Variants in LAMA2 observed in about 807,000 individuals in gnomAD.
LAMA2 encodes laminin subunit alpha-2.
Under a neutral mutation model 364.8 loss-of-function variants are expected in LAMA2, and 269 were observed. That is an observed-to-expected ratio of 0.74 (90% CI 0.67 to 0.82). The LOEUF (loss-of-function observed/expected upper bound fraction) is 0.82, where lower values mean the gene tolerates loss of function less well. LAMA2 is among the 40% of genes least tolerant of loss of function. The pLI, the probability that LAMA2 is intolerant of heterozygous loss-of-function variation, is 0.00. For synonymous variants in LAMA2, 1,379 were observed against 1,370.6 expected, an observed-to-expected ratio of 1.01 and a Z score of -0.14; for missense variants, 3,807 against 3,873.2, an observed-to-expected ratio of 0.98 and a Z score of 0.45.
chr6:129,237,715 G>A (rs2115146954), intron 12 of LAMA2, among the ~76,000 whole-genome samples: 1 of 152,164 alleles, frequency 6.6e-6, no homozygotes, highest in African/African-American at 2.4e-5. Context: ...AAGTATATAT[G>A]CATTTATAAT....
At chr6:128,901,099 G>A (rs868671310) in intron 1 of LAMA2, among the ~76,000 whole-genome samples, 2 of 152,244 alleles carry the variant, frequency 1.3e-5, no homozygotes, top group South Asian at 2.1e-4. Flanking sequence ...CGAGGCTGCA[G>A]TGACCCATGA....
At chr6:129,200,084 A>G (rs1782096978) in intron 12 of LAMA2, among the ~76,000 whole-genome samples, 1 of 149,718 alleles carries the variant, frequency 6.7e-6, no homozygotes, top group African/African-American at 2.5e-5. Flanking sequence ...CTCCAAAAAT[A>G]TATATATACA....
chr6:129,243,731 A>G (rs1785542901), intron 12 of LAMA2, among the ~76,000 whole-genome samples: 1 of 150,394 alleles, frequency 6.6e-6, no homozygotes, highest in Non-Finnish European at 1.5e-5. Flanking sequence ...ATTGAAAAAG[A>G]AAAAAAAAAT....
chr6:129,288,594 T>A (rs1482833839), intron 19 of LAMA2, among the ~76,000 whole-genome samples: 2 of 152,196 alleles, frequency 1.3e-5, no homozygotes, highest in East Asian at 3.8e-4. Context: ...CATTTTAGTT[T>A]CATAATAGTC....
At chr6:128,987,393 G>A (rs560164716) in intron 1 of LAMA2, among the ~76,000 whole-genome samples, 145 of 151,952 alleles carry the variant, frequency 9.5e-4, no homozygotes, top group African/African-American at 3.1e-3. Context: ...CAACCGCCTC[G>A]GCCTCCCAAA....
At chr6:128,902,103 C>T (rs2114419220) in intron 1 of LAMA2, among the ~76,000 whole-genome samples, 1 of 152,318 alleles carries the variant, frequency 6.6e-6, no homozygotes, top group South Asian at 2.1e-4. Flanking sequence ...ATAAAACCAT[C>T]AGACCTCATG....
intron 41 of LAMA2, chr6:129,436,910 T>C (rs1372364404): frequency 6.6e-6 from 1 of 152,116 alleles, no homozygotes; most frequent in Non-Finnish European, 1.5e-5. Flanking sequence ...TGCCTGCCAG[T>C]TTTGCACATA....
At chr6:128,997,334 AAG>A (rs1323047365) in intron 1 of LAMA2, among the ~76,000 whole-genome samples, 5 of 122,342 alleles carry the variant, frequency 4.1e-5, no homozygotes, top group East Asian at 2.5e-4. Context: ...GAGAGAAAGA[AAG>A]AGAAAGAAAG....
chr6:129,416,804 G>C (rs898014507), intron 40 of LAMA2, among the ~76,000 whole-genome samples: 2 of 152,198 alleles, frequency 1.3e-5, no homozygotes, highest in African/African-American at 4.8e-5. Context: ...TCAGGGCAGA[G>C]TGGCGAGGGG....
chr6:129,346,867 T>C (rs1336649869), intron 30 of LAMA2, among the ~76,000 whole-genome samples: 2 of 152,084 alleles, frequency 1.3e-5, no homozygotes, highest in African/African-American at 4.8e-5. Flanking sequence ...TTAGATGAGG[T>C]GGTCCATGAT....
At chr6:129,055,160 C>G (rs1391276101) in intron 2 of LAMA2, among the ~76,000 whole-genome samples, 1 of 63,172 alleles carries the variant, frequency 1.6e-5, no homozygotes, top group Admixed American at 2.1e-4. Context: ...TCTGGATTTA[C>G]TTTACATTAT....
intron 12 of LAMA2, among the ~76,000 whole-genome samples, chr6:129,228,893 C>A (rs181125435): frequency 6.6e-6 from 1 of 152,292 alleles, no homozygotes; most frequent in Admixed American, 6.5e-5. Context: ...AAAGGAATAA[C>A]TATTACAAAA....
chr6:128,940,108 T>G (rs973470227), intron 1 of LAMA2, among the ~76,000 whole-genome samples: 11 of 152,308 alleles, frequency 7.2e-5, no homozygotes, highest in Admixed American at 3.3e-4. Context: ...ATGGATTTTT[T>G]TTTGTTTGTT....
At chr6:129,403,703 A>C in intron 39 of LAMA2, 118 bp from the exon 40 acceptor site, 1 of 905,834 alleles carries the variant, frequency 1.1e-6, no homozygotes, top group Non-Finnish European at 1.8e-6. Context: ...TATTATTTGG[A>C]ATTGTCATAG....
At chr6:129,274,622 T>C (rs892635496) in intron 17 of LAMA2, among the ~76,000 whole-genome samples, 1 of 152,032 alleles carries the variant, frequency 6.6e-6, no homozygotes, top group Non-Finnish European at 1.5e-5. Context: ...ATAATTATTA[T>C]GATGTATGAA....
chr6:129,379,504 C>T (rs945374136), intron 34 of LAMA2, among the ~76,000 whole-genome samples: 1 of 152,134 alleles, frequency 6.6e-6, no homozygotes, highest in African/African-American at 2.4e-5. Flanking sequence ...GGGAACCTCA[C>T]GTCTCCTCCT....
Position 129,505,296 on chromosome 6 carries a change from G to C in LAMA2, c.8644G>C (p.Val2882Leu), listed in dbSNP as rs138024644. 1 of 1,613,860 alleles carries C rather than the reference G, an allele frequency of 6.2e-7. No individual in the cohort carries two copies. ...CAAAAAAGCCGACATCCTGGATGTC[G>C]TGGGAATGCTGTATGTTGGTGGGTT... The part of the protein sequence containing the change: ...SPKKADILDV[V>L]GMLYVGGLPI... Residue 2882 changes from valine (V) to leucine (L), a missense_variant, in exon 61 of 65, where the codon GTG becomes CTG. Physicochemically the swap from Val to Leu is conservative, Grantham distance 32. Coordinates refer to ENST00000421865, the MANE Select transcript of LAMA2 (RefSeq NM_000426.4).
chr6:129,328,530 T>C, intron 29 of LAMA2, 118 bp downstream of exon 29: 1 of 1,496,744 alleles, frequency 6.7e-7, no homozygotes, highest in Non-Finnish European at 9.2e-7. Flanking sequence ...GTGTGTGAAA[T>C]AAAATATGTA....
chr6:128,891,198 C>T (rs928196200), intron 1 of LAMA2, among the ~76,000 whole-genome samples: 2 of 151,874 alleles, frequency 1.3e-5, no homozygotes, highest in African/African-American at 2.4e-5. Flanking sequence ...ACTCTAGTTG[C>T]CTTGACAAAT....
Sources: gnomAD v4.1 joint callset for allele counts (sites outside exome capture counted in the v4.1 genomes callset) on GRCh38, gnomAD v4.1.1 for gene constraint, MANE v1.5 for transcripts, NCBI Gene and HGNC (gene_info 2026-07-23, HGNC 2026-07-21) for gene names.